Variants in PTPRD observed in about 807,000 individuals in gnomAD.
The protein encoded by PTPRD is receptor-type tyrosine-protein phosphatase delta.
A neutral mutation model predicts 214.5 loss-of-function variants in PTPRD; 34 were observed. That is an observed-to-expected ratio of 0.16 (90% CI 0.12 to 0.21). The LOEUF (loss-of-function observed/expected upper bound fraction) is 0.21. PTPRD is among the 10% of genes least tolerant of loss of function. PTPRD has a pLI of 1.00. For missense variants in PTPRD, 2,545 were observed against 2,398.7 expected (o/e 1.06, Z -1.27); for synonymous variants, 1,128 against 845.7 (o/e 1.33, Z -5.79).
At chr9:9,861,134 T>A (rs2062665986) in intron 5 of PTPRD, among the ~76,000 whole-genome samples, 1 of 152,212 alleles carries the variant, frequency 6.6e-6, no homozygotes, top group South Asian at 2.1e-4. Flanking sequence ...TAAATTATTG[T>A]TACTTCCTAA....
intron 9 of PTPRD, among the ~76,000 whole-genome samples, chr9:9,302,099 G>T (rs1955532329): frequency 6.6e-6 from 1 of 152,038 alleles, no homozygotes; most frequent in African/African-American, 2.4e-5. Flanking sequence ...AATGTCAAGG[G>T]TTATCTATAT....
chr9:8,951,163 G>GTGTGTA (rs1472771357), intron 11 of PTPRD, among the ~76,000 whole-genome samples: 1 of 151,714 alleles, frequency 6.6e-6, no homozygotes, highest in African/African-American at 2.4e-5. Flanking sequence ...GTGTGTAAGA[G>GTGTGTA]AGAGAGAGAG....
At chr9:9,700,191 G>C (rs545133262) in intron 7 of PTPRD, among the ~76,000 whole-genome samples, 1 of 152,098 alleles carries the variant, frequency 6.6e-6, no homozygotes, top group Admixed American at 6.6e-5. Flanking sequence ...TTTTGTTGTA[G>C]TACTGCCCTT....
intron 10 of PTPRD, among the ~76,000 whole-genome samples, chr9:9,130,928 G>T (rs368225998): frequency 6.6e-6 from 1 of 152,004 alleles, no homozygotes; most frequent in African/African-American, 2.4e-5. Context: ...ATCCTATGAC[G>T]AACCCTTTAG....
intron 3 of PTPRD, among the ~76,000 whole-genome samples, chr9:10,114,261 A>G (rs2098713092): frequency 6.6e-6 from 1 of 152,318 alleles, no homozygotes; most frequent in African/African-American, 2.4e-5. Flanking sequence ...AAGACATGAA[A>G]GCAAATAACA....
intron 13 of PTPRD, among the ~76,000 whole-genome samples, chr9:8,635,672 C>T (rs2096407417): frequency 6.6e-6 from 1 of 152,014 alleles, no homozygotes; most frequent in South Asian, 2.1e-4. Context: ...TAGAAATTGC[C>T]TTTAATCTGC....
chr9:9,385,610 G>A lies in PTPRD; in HGVS notation c.-203+11839C>T, dbSNP rs150218121. Among the ~76,000 whole-genome samples the A allele has an allele frequency of 1.5e-3, 229 of 152,266 alleles. 1 individual carries two copies. The highest frequency in any genetic ancestry group is 5.1e-3 in the African/African-American group (212 of 41,572). Reference sequence around the variant, plus strand: ...TACTCTGTGGCATGGCTATGTGCATGCTTGTGTGGATGCCCAGACTGGACA... The same window carrying A: ...TACTCTGTGGCATGGCTATGTGCATACTTGTGTGGATGCCCAGACTGGACA... On this transcript the variant is annotated intron_variant, in intron 9 of 45. Coordinates refer to ENST00000381196, the MANE Select transcript of PTPRD (RefSeq NM_002839.4).
chr9:9,945,867 C>G (rs1386775214), intron 4 of PTPRD, among the ~76,000 whole-genome samples: 1 of 152,046 alleles, frequency 6.6e-6, no homozygotes, highest in Non-Finnish European at 1.5e-5. Flanking sequence ...AGAGCACACA[C>G]ACAAATCTAT....
chr9:10,570,263 G>A (rs1252726108), intron 2 of PTPRD, among the ~76,000 whole-genome samples: 4 of 152,018 alleles, frequency 2.6e-5, no homozygotes, highest in Non-Finnish European at 5.9e-5. Flanking sequence ...GACCATTCAA[G>A]TAATAATACA....
intron 3 of PTPRD, among the ~76,000 whole-genome samples, chr9:10,047,264 T>C (rs539014508): frequency 6.7e-6 from 1 of 150,040 alleles, no homozygotes; most frequent in African/African-American, 2.5e-5. Flanking sequence ...TCCTAATCTA[T>C]CTATATTTTA....
intron 12 of PTPRD, among the ~76,000 whole-genome samples, chr9:8,675,191 T>C (rs1255373185): frequency 6.6e-6 from 1 of 152,094 alleles, no homozygotes; most frequent in East Asian, 1.9e-4. Context: ...GGGTTTGAAA[T>C]CTGGCTCCCA....
At chr9:9,648,239 G>A (rs937214617) in intron 7 of PTPRD, among the ~76,000 whole-genome samples, 2 of 151,476 alleles carry the variant, frequency 1.3e-5, no homozygotes, top group African/African-American at 4.9e-5. Flanking sequence ...AAACACTAAA[G>A]TGTATATTTA....
chr9:8,508,660 C>T (rs1319151153), intron 21 of PTPRD, among the ~76,000 whole-genome samples: 1 of 151,960 alleles, frequency 6.6e-6, no homozygotes, highest in African/African-American at 2.4e-5. Flanking sequence ...AAAGTGGCAA[C>T]CTCAGCAAAA....
At chr9:9,245,699 A>G (rs202016025) in intron 9 of PTPRD, among the ~76,000 whole-genome samples, 1 of 152,132 alleles carries the variant, frequency 6.6e-6, no homozygotes, top group Non-Finnish European at 1.5e-5. Flanking sequence ...CAGCACACCA[A>G]CATGGCACAT....
intron 8 of PTPRD, among the ~76,000 whole-genome samples, chr9:9,431,335 A>G (rs2083028595): frequency 6.6e-6 from 1 of 152,138 alleles, no homozygotes; most frequent in African/African-American, 2.4e-5. Flanking sequence ...AGAGAAATAC[A>G]AATCAAAACC....
At chr9:9,010,096 A>G (rs763627446) in intron 11 of PTPRD, among the ~76,000 whole-genome samples, 8 of 152,202 alleles carry the variant, frequency 5.3e-5, no homozygotes, top group Non-Finnish European at 7.3e-5. Flanking sequence ...AAAATCATTC[A>G]AGATTTCAGC....
chr9:9,480,528 A>C (rs1038936837), intron 8 of PTPRD, among the ~76,000 whole-genome samples: 3 of 152,200 alleles, frequency 2.0e-5, no homozygotes, highest in African/African-American at 7.2e-5. Flanking sequence ...AAACATTTTA[A>C]AAAGCAATAT....
chr9:9,919,437 C>T (rs143006614), intron 5 of PTPRD, among the ~76,000 whole-genome samples: 54 of 152,228 alleles, frequency 3.5e-4, no homozygotes, highest in African/African-American at 1.3e-3. Flanking sequence ...TTTCAGACAC[C>T]TCCCTTACCA....
chr9:8,702,345 G>C (rs115252383), intron 12 of PTPRD, among the ~76,000 whole-genome samples: 33 of 151,734 alleles, frequency 2.2e-4, no homozygotes, highest in Non-Finnish European at 4.0e-4. Flanking sequence ...CTTATCTTCT[G>C]TGGTCTTTTT....
Sources: gnomAD v4.1 joint callset for allele counts (sites outside exome capture counted in the v4.1 genomes callset) on GRCh38, gnomAD v4.1.1 for gene constraint, MANE v1.5 for transcripts, NCBI Gene and HGNC (gene_info 2026-07-23, HGNC 2026-07-21) for gene names.